EPB41L4B: variants seen among roughly 807,000 people sequenced by gnomAD.
EPB41L4B encodes band 4.1-like protein 4B.
Under a neutral mutation model 112.5 loss-of-function variants are expected in EPB41L4B, and 30 were observed. The ratio of observed to expected loss-of-function variants is 0.27; its 90% CI spans 0.20 to 0.36. The LOEUF (loss-of-function observed/expected upper bound fraction) is 0.36, where lower values mean the gene tolerates loss of function less well. Ranked by LOEUF, EPB41L4B falls within the 10% of genes least tolerant of loss-of-function variation. The pLI is 1.00. For synonymous variants in EPB41L4B, 408 were observed against 439.7 expected (o/e 0.93, Z 0.90); for missense variants, 1,024 against 1,133.3 (o/e 0.90, Z 1.38).
In EPB41L4B at chr9:109,203,729, C is replaced by T. The variant is rs1479548588; in HGVS notation, c.1880G>A (p.Gly627Asp). Reference sequence around the variant, plus strand: ...TACAAACGGTGATTCCTCCTTTCCACCCTGTTAAAGAAAGCATTCAGGTTA... The same window carrying T: ...TACAAACGGTGATTCCTCCTTTCCATCCTGTTAAAGAAAGCATTCAGGTTA... Reference protein sequence around the residue: ...LENASRVNIQGGKEESPFVNI... With the variant: ...LENASRVNIQDGKEESPFVNI... The change falls in exon 19 of 26, where the codon GGT (glycine) becomes GAT (aspartate). Residue 627 changes from glycine (G) to aspartate (D), a missense_variant and splice_region_variant. Gly to Asp is a moderately conservative substitution (Grantham distance 94). Transcript: ENST00000374566. The T allele has an allele frequency of 1.9e-6, 3 of 1,613,538 alleles. No homozygotes were observed. Among genetic ancestry groups the T allele is most frequent in the East Asian group, 2.2e-5 (1 of 44,860 alleles).
chr9:109,241,971 T>C (rs187734101), intron 15 of EPB41L4B, among the ~76,000 whole-genome samples: 2 of 152,228 alleles, frequency 1.3e-5, no homozygotes, highest in Admixed American at 6.5e-5. Flanking sequence ...AGTAAGAATT[T>C]TAAAAATTCA....
rs1369928144 is a variant in EPB41L4B at position 109,262,447 on chromosome 9, GT to G, written c.631+602del. ...CTGCCAATGCTATTTCTTGGTGTGT[GT>G]GGGGGTGTGTGTGTGTGTGTGTGTG... On this transcript the variant is annotated intron_variant, in intron 6 of 25. Coordinates refer to ENST00000374566, the MANE Select transcript of EPB41L4B (RefSeq NM_019114.5). Among the ~76,000 whole-genome samples, 4 of 46,508 alleles carry G rather than the reference GT, an allele frequency of 8.6e-5. No homozygotes were observed. In the South Asian group the frequency reaches 4.1e-3, roughly 48 times the overall value. 30.5% of individuals were successfully genotyped at this position (46,508 alleles called of 152,430 possible). A position where few individuals can be genotyped will look rare whatever the true frequency, so the allele number is the denominator to read the frequency against.
At chr9:109,196,213 C>A (rs557935454) in intron 20 of EPB41L4B, 1 of 151,276 alleles carries the variant, frequency 6.6e-6, no homozygotes, top group African/African-American at 2.4e-5. Context: ...AAATATGAAA[C>A]GCTTCACAAA....
intron 1 of EPB41L4B, among the ~76,000 whole-genome samples, chr9:109,297,052 G>A (rs1252025219): frequency 6.6e-6 from 1 of 152,052 alleles, no homozygotes; most frequent in Non-Finnish European, 1.5e-5. Context: ...CTAAGCTGAA[G>A]TGAAGTTGTT....
chr9:109,320,152 C>G lies in EPB41L4B; in HGVS notation c.295G>C (p.Val99Leu). ...VFLLDGTEVS[V>L]DLPKHAKGQD... ...GCCCCGTCACTCACCGGCAGGTCCACGCTCACTTCGGTCCCGTCGAGCAGG... is the reference window on the plus strand; with the variant it reads ...GCCCCGTCACTCACCGGCAGGTCCAGGCTCACTTCGGTCCCGTCGAGCAGG... The change falls in exon 1 of 26, where the codon GTG becomes CTG. Residue 99 changes from valine to leucine, a missense_variant. Physicochemically the swap from Val to Leu is conservative, Grantham distance 32. Coordinates refer to ENST00000374566, the MANE Select transcript of EPB41L4B (RefSeq NM_019114.5). 3 of 1,470,692 alleles carry G rather than the reference C, an allele frequency of 2.0e-6. No individual in the cohort carries two copies. Among genetic ancestry groups the G allele is most frequent in the Non-Finnish European group, 2.7e-6 (3 of 1,108,592 alleles). The allele number at this position is 1,470,692 out of a possible 1,614,324, so 91.1% of individuals were successfully genotyped here.
chr9:109,226,182 C>G (rs1256240655), intron 15 of EPB41L4B, among the ~76,000 whole-genome samples: 1 of 152,154 alleles, frequency 6.6e-6, no homozygotes, highest in Non-Finnish European at 1.5e-5. Flanking sequence ...TCTCAGGCTC[C>G]CTGTCCTCTG....
At chr9:109,195,345 G>A (rs887621223) in intron 20 of EPB41L4B, among the ~76,000 whole-genome samples, 6 of 152,220 alleles carry the variant, frequency 3.9e-5, no homozygotes, top group Non-Finnish European at 7.3e-5. Flanking sequence ...ACATGAGGCC[G>A]TGAGACAAAG....
At chr9:109,273,230 G>A (rs1438274561) in intron 2 of EPB41L4B, among the ~76,000 whole-genome samples, 1 of 151,848 alleles carries the variant, frequency 6.6e-6, no homozygotes, top group Non-Finnish European at 1.5e-5. Context: ...AGGATGAGGA[G>A]AGGCCTGTGG....
intron 22 of EPB41L4B, among the ~76,000 whole-genome samples, chr9:109,192,028 G>A (rs891912611): frequency 6.6e-6 from 1 of 152,176 alleles, no homozygotes; most frequent in South Asian, 2.1e-4. Flanking sequence ...CACTCGAAGT[G>A]CAGTAGACAG....
chr9:109,216,889 T>G, intron 16 of EPB41L4B, 33 bp downstream of exon 16: 1 of 1,602,598 alleles, frequency 6.2e-7, no homozygotes, highest in South Asian at 1.1e-5. Flanking sequence ...TTGCTCCCCC[T>G]TCTCCTGCCT....
intron 22 of EPB41L4B, among the ~76,000 whole-genome samples, chr9:109,185,960 T>A (rs10979735): frequency 1.3e-5 from 2 of 151,958 alleles, no homozygotes; most frequent in Non-Finnish European, 2.9e-5. Context: ...TGGCACGCGG[T>A]TGAGGGTTCT....
intron 2 of EPB41L4B, among the ~76,000 whole-genome samples, chr9:109,270,061 G>A (rs966015187): frequency 3.3e-5 from 5 of 151,406 alleles, no homozygotes; most frequent in Non-Finnish European, 5.9e-5. Context: ...TATCTCAGAC[G>A]CACATGTGCA....
rs748763061 is a variant in EPB41L4B at position 109,255,758 on chromosome 9, T to C, written c.999+16A>G. 1.2e-6 allele frequency: 2 copies of C among 1,612,734 alleles called. No homozygotes were observed. Among genetic ancestry groups the C allele is most frequent in the Non-Finnish European group, 8.5e-7 (1 of 1,179,342 alleles). ...GATTTTCACAGCAAGGGGGAAGAAA[T>C]GGGAGCCAGGCCTACCTGATCATCA... On this transcript the variant is annotated intron_variant, in intron 10 of 25. Transcript: ENST00000374566.
At chr9:109,245,970 C>T (rs1205612173) in intron 14 of EPB41L4B, among the ~76,000 whole-genome samples, 1 of 152,242 alleles carries the variant, frequency 6.6e-6, no homozygotes, top group South Asian at 2.1e-4. Flanking sequence ...AGGGCACAGG[C>T]AGTGCTCAGC....
chr9:109,200,245 T>C lies in EPB41L4B; in HGVS notation c.2036A>G (p.Gln679Arg). 1.2e-6 allele frequency: 2 copies of C among 1,614,028 alleles called. No individual in the cohort carries two copies. Among genetic ancestry groups the C allele is most frequent in the Non-Finnish European group, 1.7e-6 (2 of 1,179,914 alleles). The stretch of plus-strand genomic sequence containing the variant: ...GCAGTACAGAACTCACAAACTATAC[T>C]GTCTTGTTAACTTCCTCACTCGGGG... ...KPPRVRKLTR[Q>R]YSFDEDDLPP... Residue 679 changes from glutamine to arginine, a missense_variant, in exon 20 of 26, where the codon CAG becomes CGG. Gln to Arg is a conservative substitution (Grantham distance 43). Coordinates refer to ENST00000374566, the MANE Select transcript of EPB41L4B (RefSeq NM_019114.5).
chr9:109,283,418 T>C (rs1836148247), intron 1 of EPB41L4B, among the ~76,000 whole-genome samples: 1 of 152,072 alleles, frequency 6.6e-6, no homozygotes, highest in African/African-American at 2.4e-5. Flanking sequence ...CTCGACATAC[T>C]CCTCTGAAGG....
rs1833402776 is a variant in EPB41L4B, at chr9:109,217,119, C to T, written c.1436G>A (p.Ser479Asn). The change falls in exon 16 of 26, where the codon AGC (serine) becomes AAC (asparagine). Residue 479 changes from serine to asparagine, a missense_variant. Transcript: ENST00000374566. ...GCCAAAAGGCAACCGGTCCGAGCTG[C>T]TAAGCACTGGGGAAGGGAGCGGGTA... The part of the protein sequence containing the change: ...VSYPLPSPVL[S>N]SSDRLPFGIE... 4.3e-6 allele frequency: 7 copies of T among 1,614,084 alleles called. No homozygotes were observed. The highest frequency in any genetic ancestry group is 5.9e-6 in the Non-Finnish European group (7 of 1,180,044).
intron 15 of EPB41L4B, among the ~76,000 whole-genome samples, chr9:109,218,690 A>C (rs1833473535): frequency 1.3e-5 from 2 of 148,956 alleles, no homozygotes; most frequent in African/African-American, 2.5e-5. Context: ...TCTACTTCCC[A>C]CCCTAACTCC....
chr9:109,318,870 T>C (rs1308760393), intron 1 of EPB41L4B, among the ~76,000 whole-genome samples: 1 of 152,112 alleles, frequency 6.6e-6, no homozygotes, highest in Non-Finnish European at 1.5e-5. Context: ...AAATTGAAAC[T>C]GTCTCGAAAT....
Sources: gnomAD v4.1 joint callset for allele counts (sites outside exome capture counted in the v4.1 genomes callset) on GRCh38, gnomAD v4.1.1 for gene constraint, MANE v1.5 for transcripts, NCBI Gene and HGNC (gene_info 2026-07-23, HGNC 2026-07-21) for gene names.